SCARA3: variants seen among roughly 807,000 people sequenced by gnomAD.
The protein encoded by SCARA3 is cellular stress response gene protein.
SCARA3 carries 39 observed loss-of-function variants against 47.0 expected under a neutral mutation model. The ratio of observed to expected loss-of-function variants is 0.83; its 90% CI spans 0.64 to 1.08. SCARA3 has a LOEUF of 1.08. Ranked by LOEUF, SCARA3 falls within the 50% of genes least tolerant of loss-of-function variation. The probability of loss-of-function intolerance (pLI) is 0.00; values close to 1 mark genes in which losing one functional copy is unlikely to be tolerated. For missense variants in SCARA3, 724 were observed against 792.3 expected, an observed-to-expected ratio of 0.91 and a Z score of 1.04; for synonymous variants, 356 against 334.1, an observed-to-expected ratio of 1.07 and a Z score of -0.71.
chr8:27,705,828 G>A, the SCARA3 span, among the ~76,000 whole-genome samples: 1 of 152,326 alleles, frequency 6.6e-6, no homozygotes, highest in South Asian at 2.1e-4. Flanking sequence ...AACTAGTCTT[G>A]AGACCAAAAA....
chr8:27,646,953 C>G (rs537205496), intron 1 of SCARA3, among the ~76,000 whole-genome samples: 2 of 136,438 alleles, frequency 1.5e-5, no homozygotes, highest in African/African-American at 5.4e-5. Context: ...AGCACTTGCC[C>G]GCACCCCTGA....
At position 27,659,333 on chromosome 8, in the gene SCARA3, G is replaced by A; in HGVS notation, c.1163G>A (p.Gly388Asp). The change falls in exon 5 of 6, where the codon GGC becomes GAC. Residue 388 changes from glycine (G) to aspartate (D), a missense_variant. Gly to Asp is a moderately conservative substitution (Grantham distance 94). Transcript: ENST00000301904. ...LDDVRLSCTL[G>D]FHTHAEELYY... ...GACGTGCGGCTCTCCTGCACGCTGG[G>A]CTTCCACACCCATGCCGAGGAGCTC... is the stretch of plus-strand genomic sequence containing the variant. 6.2e-7 allele frequency: 1 copy of A among 1,614,094 alleles called. No homozygotes were observed. Among genetic ancestry groups the A allele is most frequent in the Non-Finnish European group, 8.5e-7 (1 of 1,180,014 alleles).
the SCARA3 span, chr8:27,702,620 T>A: frequency 6.6e-6 from 1 of 152,350 alleles, no homozygotes; most frequent in Non-Finnish European, 1.5e-5. Flanking sequence ...GCCTCCTTTG[T>A]CAGAACTCAG....
the SCARA3 span, among the ~76,000 whole-genome samples, chr8:27,688,287 G>A: frequency 2.5e-4 from 38 of 151,998 alleles, no homozygotes; most frequent in African/African-American, 8.5e-4. Flanking sequence ...GGAATGATTT[G>A]TTGTATTCAT....
At chr8:27,687,126 T>C in the SCARA3 span, among the ~76,000 whole-genome samples, 1 of 152,152 alleles carries the variant, frequency 6.6e-6, no homozygotes, top group Non-Finnish European at 1.5e-5. Flanking sequence ...GGAACAGGCT[T>C]TTTACCCAGG....
chr8:27,705,740 G>A, the SCARA3 span, among the ~76,000 whole-genome samples: 84 of 152,288 alleles, frequency 5.5e-4, no homozygotes, highest in Non-Finnish European at 7.2e-4. Flanking sequence ...AGCTTAGTGA[G>A]GACAAGCAAA....
intron 5 of SCARA3, among the ~76,000 whole-genome samples, chr8:27,663,666 T>C (rs1013260282): frequency 6.6e-6 from 1 of 151,382 alleles, no homozygotes; most frequent in Non-Finnish European, 1.5e-5. Flanking sequence ...AAAAGGAGAG[T>C]GGTTATCTAT....
intron 5 of SCARA3, among the ~76,000 whole-genome samples, chr8:27,667,592 A>C (rs891813487): frequency 6.6e-6 from 1 of 152,100 alleles, no homozygotes; most frequent in Non-Finnish European, 1.5e-5. Context: ...GCACGTGGCC[A>C]CCCGCTGCAC....
chr8:27,658,896 C>A lies in SCARA3; in HGVS notation c.726C>A (p.Asp242Glu). 1 of 1,614,160 alleles carries A rather than the reference C, an allele frequency of 6.2e-7. No homozygotes were observed. The highest frequency in any genetic ancestry group is 8.5e-7 in the Non-Finnish European group (1 of 1,180,036). The change falls in exon 5 of 6, where the codon GAC becomes GAA. Residue 242 changes from aspartate to glutamate, a missense_variant. Asp to Glu is a conservative substitution (Grantham distance 45, BLOSUM62 2). Transcript: ENST00000301904. ...EWIHGIQRKT[D>E]EETLTLQKIV... Reference sequence around the variant, plus strand: ...TCCACGGGATCCAGCGGAAGACAGACGAGGAGACCCTGACCCTCCAGAAGA... The same window carrying A: ...TCCACGGGATCCAGCGGAAGACAGAAGAGGAGACCCTGACCCTCCAGAAGA...
the SCARA3 span, among the ~76,000 whole-genome samples, chr8:27,682,662 G>A: frequency 6.1e-3 from 924 of 152,208 alleles, 21 homozygotes; most frequent in African/African-American, 0.021. Flanking sequence ...CCAAGGAAAT[G>A]CAAATTAAAA....
At chr8:27,691,729 A>T in the SCARA3 span, among the ~76,000 whole-genome samples, 1 of 151,694 alleles carries the variant, frequency 6.6e-6, no homozygotes, top group East Asian at 1.9e-4. Context: ...GTGTCCTATG[A>T]TTCCCTCTCT....
chr8:27,662,420 A>C lies in SCARA3; in HGVS notation c.1369+2881A>C, dbSNP rs34419035. ...AGGATGATGGGAACATGGTAAGACC[A>C]GTGAATTCCATGCCACATTGCCCTA... On this transcript the variant is annotated intron_variant, in intron 5 of 5. Coordinates refer to ENST00000301904, the MANE Select transcript of SCARA3 (RefSeq NM_016240.3). Among the ~76,000 whole-genome samples the C allele has an allele frequency of 1.5e-3, 229 of 152,346 alleles. 6 individuals carry two copies. In the East Asian group the frequency reaches 0.023, roughly 15 times the overall value.
At chr8:27,695,080 G>A in the SCARA3 span, among the ~76,000 whole-genome samples, 1 of 152,168 alleles carries the variant, frequency 6.6e-6, no homozygotes, top group African/African-American at 2.4e-5. Context: ...AAGCCCTGGG[G>A]ATATTGGAGA....
chr8:27,676,702 C>G (rs1225178083), downstream of SCARA3: 1 of 669,320 alleles, frequency 1.5e-6, no homozygotes, highest in East Asian at 2.8e-5. Context: ...ACATATTATG[C>G]CTTGAGACAC....
At chr8:27,693,403 A>T in the SCARA3 span, among the ~76,000 whole-genome samples, 1 of 152,228 alleles carries the variant, frequency 6.6e-6, no homozygotes, top group African/African-American at 2.4e-5. Context: ...AGGGTTTAAA[A>T]TTCCAACTTC....
intron 3 of SCARA3, among the ~76,000 whole-genome samples, chr8:27,654,796 AAAAAAAG>A (rs1172192733): frequency 6.3e-4 from 90 of 142,694 alleles, no homozygotes; most frequent in African/African-American, 2.2e-3. Flanking sequence ...TCACAAAAAA[AAAAAAAG>A]AAAAAGAAAA....
At chr8:27,674,137 A>T (rs1802224948), downstream of SCARA3, among the ~76,000 whole-genome samples, 1 of 152,212 alleles carries the variant, frequency 6.6e-6, no homozygotes, top group Non-Finnish European at 1.5e-5. Flanking sequence ...CTTAGTATTA[A>T]TGTGGCCCTT....
the SCARA3 span, among the ~76,000 whole-genome samples, chr8:27,728,676 T>C: frequency 6.6e-6 from 1 of 152,236 alleles, no homozygotes; most frequent in African/African-American, 2.4e-5. Context: ...ATTGAAGTTC[T>C]GATTTAAATG....
At position 27,634,101 on chromosome 8, in the gene SCARA3, G is replaced by T; in HGVS notation, c.-100G>T. ...CCCCACGGCCGCGGGCGGCGCCTAG[G>T]ACGGCGATCCGCGCCCTGGAGGATC... On this transcript the variant is annotated 5_prime_UTR_variant, in exon 1 of 6. Transcript: ENST00000301904. The T allele has an allele frequency of 8.4e-7, 1 of 1,192,408 alleles. No homozygotes were observed. 73.9% of individuals were successfully genotyped at this position (1,192,408 alleles called of 1,614,324 possible). A position where few individuals can be genotyped will look rare whatever the true frequency, so the allele number is the denominator to read the frequency against.
Sources: gnomAD v4.1 joint callset for allele counts (sites outside exome capture counted in the v4.1 genomes callset) on GRCh38, gnomAD v4.1.1 for gene constraint, MANE v1.5 for transcripts, NCBI Gene and HGNC (gene_info 2026-07-23, HGNC 2026-07-21) for gene names.